TEC: variants seen among roughly 807,000 people sequenced by gnomAD.
TEC encodes tec protein tyrosine kinase.
Under a neutral mutation model 93.0 loss-of-function variants are expected in TEC, and 72 were observed. The ratio of observed to expected loss-of-function variants is 0.77; its 90% CI spans 0.64 to 0.94. The LOEUF (loss-of-function observed/expected upper bound fraction) is 0.94, where lower values mean the gene tolerates loss of function less well. TEC is among the 40% of genes least tolerant of loss of function. The pLI is 0.00. For missense variants in TEC, 630 were observed against 757.9 expected, an observed-to-expected ratio of 0.83 and a Z score of 1.98; for synonymous variants, 249 against 247.7, an observed-to-expected ratio of 1.01 and a Z score of -0.05.
chr4:48,265,518 T>A (rs1427866797), intron 1 of TEC, among the ~76,000 whole-genome samples: 6,840 of 76,518 alleles, frequency 0.089, 227 homozygotes, highest in African/African-American at 0.13. Flanking sequence ...TATATATATT[T>A]TTTTTTTTTT....
At chr4:48,200,005 A>G (rs1722445972) in intron 2 of TEC, among the ~76,000 whole-genome samples, 1 of 152,196 alleles carries the variant, frequency 6.6e-6, no homozygotes, top group African/African-American at 2.4e-5. Flanking sequence ...CTGAAAAACT[A>G]ATTGTATTAA....
chr4:48,159,020 T>C (rs1357443047), intron 8 of TEC, among the ~76,000 whole-genome samples: 1 of 151,950 alleles, frequency 6.6e-6, no homozygotes, highest in Non-Finnish European at 1.5e-5. Flanking sequence ...GGTCGGGATT[T>C]TCTAACAGTT....
At chr4:48,188,928 C>T (rs1721996507) in intron 2 of TEC, among the ~76,000 whole-genome samples, 1 of 152,060 alleles carries the variant, frequency 6.6e-6, no homozygotes, top group African/African-American at 2.4e-5. Context: ...CATGAATTGC[C>T]AGGAAAAAGA....
At chr4:48,177,897 T>C (rs1049378225) in intron 2 of TEC, among the ~76,000 whole-genome samples, 4 of 152,202 alleles carry the variant, frequency 2.6e-5, no homozygotes, top group Non-Finnish European at 4.4e-5. Flanking sequence ...CCTGCCGCCA[T>C]GTAAGATGTG....
At chr4:48,266,061 A>G (rs886270976) in intron 1 of TEC, among the ~76,000 whole-genome samples, 14 of 152,240 alleles carry the variant, frequency 9.2e-5, no homozygotes, top group African/African-American at 3.4e-4. Context: ...CAATACCACA[A>G]TGTGGAAGTC....
In TEC at chr4:48,171,030, G is replaced by A. The variant is rs553881120; in HGVS notation, c.325+338C>T. On this transcript the variant is annotated intron_variant, in intron 4 of 17. Coordinates refer to ENST00000381501, the MANE Select transcript of TEC (RefSeq NM_003215.3). ...CACACCACTGCACTCCAGCCTGGGT[G>A]ACAGAGTGAAACTCTGTCTCAAAAA... is the stretch of plus-strand genomic sequence containing the variant. Among the ~76,000 whole-genome samples, 10 of 151,962 alleles carry A rather than the reference G, an allele frequency of 6.6e-5. No homozygotes were observed. The South Asian group carries it at 2.1e-3, about 31-fold the overall frequency.
chr4:48,260,085 G>T (rs774238582), intron 1 of TEC, among the ~76,000 whole-genome samples: 1 of 152,180 alleles, frequency 6.6e-6, no homozygotes, highest in Non-Finnish European at 1.5e-5. Flanking sequence ...TTACCAACAA[G>T]AACACAGTCT....
intron 1 of TEC, among the ~76,000 whole-genome samples, chr4:48,252,648 G>A (rs1340350303): frequency 6.6e-6 from 1 of 152,186 alleles, no homozygotes; most frequent in South Asian, 2.1e-4. Context: ...GAGACATAAA[G>A]GCAGAGATAT....
intron 9 of TEC, among the ~76,000 whole-genome samples, chr4:48,155,351 G>C (rs1720354462): frequency 6.6e-6 from 1 of 152,210 alleles, no homozygotes; most frequent in Admixed American, 6.5e-5. Flanking sequence ...GAGGAAGTTG[G>C]AATGCTGGTA....
Position 48,224,059 on chromosome 4 carries a change from G to A in TEC, c.138+4418C>T, listed in dbSNP as rs138995623. Among the ~76,000 whole-genome samples the A allele has an allele frequency of 3.0e-3, 449 of 152,166 alleles. 5 individuals carry two copies. The highest frequency in any genetic ancestry group is 0.01 in the African/African-American group (427 of 41,512). ...TACTGATTTTGTTTTGTATCGTTTC[G>A]CTGTAATAAATCTAGTTGTGAGTAT... is the stretch of plus-strand genomic sequence containing the variant. On this transcript the variant is annotated intron_variant, in intron 2 of 17. Coordinates refer to ENST00000381501, the MANE Select transcript of TEC (RefSeq NM_003215.3).
intron 11 of TEC, among the ~76,000 whole-genome samples, chr4:48,147,879 T>G (rs1489709736): frequency 6.6e-6 from 1 of 152,176 alleles, no homozygotes; most frequent in Non-Finnish European, 1.5e-5. Flanking sequence ...ATCTGATTAT[T>G]TCAATAAACT....
At chr4:48,229,565 G>T (rs1181368369) in intron 1 of TEC, among the ~76,000 whole-genome samples, 1 of 152,160 alleles carries the variant, frequency 6.6e-6, no homozygotes, top group Admixed American at 6.5e-5. Context: ...CACTTTAGGT[G>T]AGGAGTTCAA....
chr4:48,239,636 T>A (rs896015455), intron 1 of TEC, among the ~76,000 whole-genome samples: 1 of 152,212 alleles, frequency 6.6e-6, no homozygotes, highest in Non-Finnish European at 1.5e-5. Flanking sequence ...TATTCTGTTA[T>A]TTTTAATATG....
intron 2 of TEC, among the ~76,000 whole-genome samples, chr4:48,226,708 TGCG>T (rs1723478060): frequency 6.6e-6 from 1 of 152,120 alleles, no homozygotes; most frequent in African/African-American, 2.4e-5. Context: ...TAGTTAAGTT[TGCG>T]GGGGGAGTCA....
At chr4:48,163,275 A>C (rs1464608804) in intron 8 of TEC, among the ~76,000 whole-genome samples, 1 of 152,226 alleles carries the variant, frequency 6.6e-6, no homozygotes, top group Non-Finnish European at 1.5e-5. Context: ...CTATCTTTTC[A>C]AAAATAGTAA....
intron 11 of TEC, among the ~76,000 whole-genome samples, chr4:48,148,949 T>A (rs537850209): frequency 6.6e-6 from 1 of 152,290 alleles, no homozygotes; most frequent in South Asian, 2.1e-4. Context: ...CCTGTGTTAG[T>A]TAGCTAAGGA....
Position 48,167,649 on chromosome 4 carries a change from A to C in TEC, c.671+129T>G. The C allele has an allele frequency of 7.6e-6, 6 of 794,358 alleles. No individual in the cohort carries two copies. The South Asian group carries it at 8.9e-5, about 12-fold the overall frequency. The allele number at this position is 794,358 out of a possible 1,614,324, so 49.2% of individuals were successfully genotyped here. Reference sequence around the variant, plus strand: ...AAGGACTGTGTTACTACCAAGTAATAAGGTGTGCTTCCATTTATGGCTGGT... The same window carrying C: ...AAGGACTGTGTTACTACCAAGTAATCAGGTGTGCTTCCATTTATGGCTGGT... On this transcript the variant is annotated intron_variant, in intron 7 of 17. Coordinates refer to ENST00000381501, the MANE Select transcript of TEC (RefSeq NM_003215.3).
chr4:48,186,647 C>G (rs1721869790), intron 2 of TEC, among the ~76,000 whole-genome samples: 1 of 147,690 alleles, frequency 6.8e-6, no homozygotes, highest in South Asian at 2.2e-4. Context: ...AGTGAGGAGC[C>G]CCTGCGCCTG....
intron 2 of TEC, among the ~76,000 whole-genome samples, chr4:48,209,821 T>G (rs1177508132): frequency 6.6e-6 from 1 of 152,238 alleles, no homozygotes; most frequent in Non-Finnish European, 1.5e-5. Context: ...GACACACCAC[T>G]TTGTTTTTCA....
Sources: allele counts gnomAD v4.1 joint callset (sites outside exome capture counted in the v4.1 genomes callset), GRCh38; gene constraint gnomAD v4.1.1; transcripts MANE v1.5; gene names NCBI Gene and HGNC (gene_info 2026-07-23, HGNC 2026-07-21).